RIN2: variants seen among roughly 807,000 people sequenced by gnomAD.
RIN2 encodes Ras and Rab interactor 2, also known as RAB5 interacting protein 2.
In RIN2, 36 loss-of-function variants were observed where a neutral mutation model predicts 78.0. The ratio of observed to expected loss-of-function variants is 0.46; its 90% CI spans 0.35 to 0.61. The LOEUF (loss-of-function observed/expected upper bound fraction) is 0.61. Among genes scored for constraint, RIN2 ranks in the 20% least tolerant of loss-of-function variants. RIN2 has a pLI of 0.00. For synonymous variants in RIN2, 466 were observed against 466.8 expected, an observed-to-expected ratio of 1.00 and a Z score of 0.02; for missense variants, 1,087 against 1,159.7, an observed-to-expected ratio of 0.94 and a Z score of 0.91.
intron 2 of RIN2, among the ~76,000 whole-genome samples, chr20:19,818,982 T>C (rs1338978973): frequency 2.0e-5 from 3 of 152,228 alleles, no homozygotes; most frequent in Non-Finnish European, 4.4e-5. Context: ...AAAATGTACA[T>C]CTCAGGACAG....
chr20:19,924,150 TACCTCTTTATACCCCCACCTTCATACCCA>T (rs2040060046), intron 3 of RIN2, among the ~76,000 whole-genome samples: 1 of 53,244 alleles, frequency 1.9e-5, no homozygotes, highest in East Asian at 8.1e-4. Flanking sequence ...CTTCATACCC[TACCTCTTTATACCCCCACCTTCATACCCA>T]CACCTTCATA....
chr20:19,883,464 C>T (rs1266437907), intron 2 of RIN2, among the ~76,000 whole-genome samples: 1 of 151,588 alleles, frequency 6.6e-6, no homozygotes, highest in Non-Finnish European at 1.5e-5. Flanking sequence ...CTCATCTTCC[C>T]AAGTAGCTGG....
intron 5 of RIN2, among the ~76,000 whole-genome samples, chr20:19,957,386 A>T (rs886777827): frequency 6.6e-6 from 1 of 152,172 alleles, no homozygotes; most frequent in African/African-American, 2.4e-5. Context: ...TCCTCAAAAA[A>T]GTGACTGGAG....
intron 9 of RIN2, 144 bp from the exon 10 acceptor site, chr20:19,989,862 T>G: frequency 1.3e-6 from 1 of 742,064 alleles, no homozygotes; most frequent in Admixed American, 3.3e-5. Context: ...CTGCTTGGTG[T>G]TGTCTGTTGG....
chr20:19,918,281 C>A (rs1417724762), intron 3 of RIN2, among the ~76,000 whole-genome samples: 3 of 151,736 alleles, frequency 2.0e-5, no homozygotes, highest in African/African-American at 7.3e-5. Flanking sequence ...GGTCCCATAG[C>A]TTAGATGGAT....
chr20:19,857,370 A>G (rs2037201048), intron 2 of RIN2, among the ~76,000 whole-genome samples: 1 of 152,098 alleles, frequency 6.6e-6, no homozygotes, highest in South Asian at 2.1e-4. Context: ...GATTCATTGT[A>G]TTATTTTCAT....
Position 19,845,363 on chromosome 20 carries a change from T to A in RIN2, c.-36-44203T>A, listed in dbSNP as rs150524071. 1.8e-3 allele frequency among the ~76,000 whole-genome samples: 281 copies of A among 152,216 alleles called. 1 individual carries two copies. Among genetic ancestry groups the A allele is most frequent in the African/African-American group, 6.5e-3 (272 of 41,544 alleles). On this transcript the variant is annotated intron_variant, in intron 2 of 12. Coordinates refer to ENST00000255006, the MANE Select transcript of RIN2 (RefSeq NM_018993.4). ...ACACTCCCACCAACAGTGTAAAAGC[T>A]TTCCTATTTCTCCACATCCTCTCCA...
intron 1 of RIN2, among the ~76,000 whole-genome samples, chr20:19,791,984 C>G (rs2034900626): frequency 6.6e-6 from 1 of 152,128 alleles, no homozygotes; most frequent in African/African-American, 2.4e-5. Context: ...TTTTCCTTCC[C>G]TCCCCCATCC....
chr20:19,920,988 G>T (rs986757120), intron 3 of RIN2, among the ~76,000 whole-genome samples: 2 of 151,492 alleles, frequency 1.3e-5, no homozygotes, highest in Admixed American at 6.6e-5. Flanking sequence ...AGTTTTTTGG[G>T]TTGTTTGTTT....
intron 1 of RIN2, among the ~76,000 whole-genome samples, chr20:19,775,472 ATT>A (rs544828187): frequency 6.6e-6 from 1 of 152,174 alleles, no homozygotes; most frequent in South Asian, 2.1e-4. Flanking sequence ...TACCCTTCCA[ATT>A]TGGGGCTGAG....
At chr20:19,915,289 G>A (rs966710920) in intron 3 of RIN2, among the ~76,000 whole-genome samples, 1 of 152,074 alleles carries the variant, frequency 6.6e-6, no homozygotes, top group African/African-American at 2.4e-5. Flanking sequence ...ACTGTGTGGG[G>A]GCATCCAAGT....
chr20:19,898,559 C>T (rs1181937512), intron 3 of RIN2, among the ~76,000 whole-genome samples: 1 of 152,206 alleles, frequency 6.6e-6, no homozygotes, highest in African/African-American at 2.4e-5. Context: ...TTGTAGTCAA[C>T]TTAGAAAGGC....
chr20:19,946,864 C>G (rs545214327), intron 4 of RIN2, among the ~76,000 whole-genome samples: 37 of 152,062 alleles, frequency 2.4e-4, no homozygotes, highest in African/African-American at 8.9e-4. Flanking sequence ...AACTCTGTCT[C>G]TACTAAAAAT....
intron 2 of RIN2, among the ~76,000 whole-genome samples, chr20:19,880,458 A>ATGTTACCCAAG (rs1166067878): frequency 8.1e-6 from 1 of 123,068 alleles, no homozygotes; most frequent in East Asian, 2.6e-4. Context: ...GCAGGAGTGC[A>ATGTTACCCAAG]GTTGCATGAT....
chr20:19,841,845 A>G (rs1189340195), intron 2 of RIN2, among the ~76,000 whole-genome samples: 1 of 152,256 alleles, frequency 6.6e-6, no homozygotes, highest in Admixed American at 6.5e-5. Context: ...GGCCATCTGC[A>G]GGTGCCAGTG....
chr20:19,956,578 T>C, intron 4 of RIN2, 37 bp from the exon 5 acceptor site: 1 of 1,595,940 alleles, frequency 6.3e-7, no homozygotes, highest in Non-Finnish European at 8.6e-7. Flanking sequence ...GAAATGGTAC[T>C]GCAGCCAGCT....
At chr20:19,955,588 C>T (rs2041499311) in intron 4 of RIN2, among the ~76,000 whole-genome samples, 1 of 152,186 alleles carries the variant, frequency 6.6e-6, no homozygotes, top group Non-Finnish European at 1.5e-5. Flanking sequence ...CTGCCTGCCT[C>T]AACCTCCCAA....
intron 6 of RIN2, among the ~76,000 whole-genome samples, chr20:19,962,461 G>A (rs1213142521): frequency 6.6e-6 from 1 of 152,220 alleles, no homozygotes; most frequent in African/African-American, 2.4e-5. Context: ...GTGTGTGGAA[G>A]CTTCCTCGTT....
chr20:19,883,729 G>A (rs1426435150), intron 2 of RIN2, among the ~76,000 whole-genome samples: 1 of 152,060 alleles, frequency 6.6e-6, no homozygotes, highest in Non-Finnish European at 1.5e-5. Context: ...GGCACCAGCA[G>A]GGCTTCTGTG....
Sources: gnomAD v4.1 joint callset for allele counts (sites outside exome capture counted in the v4.1 genomes callset) on GRCh38, gnomAD v4.1.1 for gene constraint, MANE v1.5 for transcripts, NCBI Gene and HGNC (gene_info 2026-07-23, HGNC 2026-07-21) for gene names.